The following NAPG variants were observed in gnomAD, a reference collection of about 807,000 sequenced individuals.
NAPG encodes NSF attachment protein gamma, also known as gamma-soluble NSF attachment protein.
In NAPG, 25 loss-of-function variants were observed where a neutral mutation model predicts 48.4. The observed-to-expected ratio is 0.52, with a 90% confidence interval of 0.38 to 0.72. NAPG has a LOEUF of 0.72. Among genes scored for constraint, NAPG ranks in the 30% least tolerant of loss-of-function variants. NAPG has a pLI of 0.00. For synonymous variants in NAPG, 139 were observed against 127.2 expected, an observed-to-expected ratio of 1.09 and a Z score of -0.62; for missense variants, 359 against 372.5, an observed-to-expected ratio of 0.96 and a Z score of 0.30.
rs1481902542 is a variant in NAPG, at chr18:10,551,950, G to A, written c.*1730G>A. ...ATGAACAAGCTATATGTAGACATTT[G>A]CATTTAAGGACATTGCAGTGTTTCA... On this transcript the variant is annotated 3_prime_UTR_variant, in exon 12 of 12. Transcript: ENST00000322897. The A allele has an allele frequency of 3.3e-5, 5 of 152,150 alleles. No homozygotes were observed. Among genetic ancestry groups the A allele is most frequent in the African/African-American group, 1.2e-4 (5 of 41,436 alleles). The allele number at this position is 152,150 out of a possible 1,614,324, so 9.4% of individuals were successfully genotyped here. A position where few individuals can be genotyped will look rare whatever the true frequency, so the allele number is the denominator to read the frequency against.
chr18:10,549,345 A>T (rs2032337445), intron 11 of NAPG, among the ~76,000 whole-genome samples: 2 of 152,214 alleles, frequency 1.3e-5, no homozygotes, highest in South Asian at 4.1e-4. Context: ...TACATATTTT[A>T]AAATTGAGGC....
At chr18:10,529,301 T>G (rs987554316) in intron 1 of NAPG, among the ~76,000 whole-genome samples, 1 of 152,370 alleles carries the variant, frequency 6.6e-6, no homozygotes, top group South Asian at 2.1e-4. Context: ...TTTGTAGATT[T>G]GAGTAGACAC....
chr18:10,531,951 A>G (rs1410171249), intron 2 of NAPG, among the ~76,000 whole-genome samples: 1 of 152,232 alleles, frequency 6.6e-6, no homozygotes, highest in Non-Finnish European at 1.5e-5. Flanking sequence ...AGGGAGGGGA[A>G]TAGCTTCAGT....
intron 1 of NAPG, among the ~76,000 whole-genome samples, 191 bp from the exon 2 acceptor site, chr18:10,530,579 A>G (rs2031909145): frequency 1.3e-5 from 2 of 152,000 alleles, no homozygotes; most frequent in African/African-American, 4.8e-5. Flanking sequence ...TACCTGTGAC[A>G]GTGGGAGTGA....
At chr18:10,531,642 C>G (rs1189440636) in intron 2 of NAPG, among the ~76,000 whole-genome samples, 1 of 152,122 alleles carries the variant, frequency 6.6e-6, no homozygotes. Flanking sequence ...TTGCATCATG[C>G]AAATTGTTTA....
At position 10,530,764 on chromosome 18, in the gene NAPG, T is replaced by C. The variant is rs781589319; in HGVS notation, c.57-6T>C. The C allele has an allele frequency of 7.7e-6, 12 of 1,557,878 alleles. No homozygotes were observed. The South Asian group carries it at 1.5e-4, about 19-fold the overall frequency. On this transcript the variant is annotated splice_polypyrimidine_tract_variant and splice_region_variant and intron_variant, in intron 1 of 11. Coordinates refer to ENST00000322897, the MANE Select transcript of NAPG (RefSeq NM_003826.3). The stretch of plus-strand genomic sequence containing the variant: ...ACTCCTGTTAACTGTGTTTTTTTCA[T>C]TCTAGCCTGAAAACTGGTTTTTTAA...
rs1423984889 is a variant in NAPG, at chr18:10,548,739, C to G, written c.666-228C>G. Among the ~76,000 whole-genome samples, 1 of 152,132 alleles carries G rather than the reference C, an allele frequency of 6.6e-6. No individual in the cohort carries two copies. The highest frequency in any genetic ancestry group is 1.9e-4 in the East Asian group (1 of 5,200). ...AACATGAGCAGTCTTAATCTCAACA[C>G]TGTTAACATTTGGGCTGGATAATTC... On this transcript the variant is annotated intron_variant, in intron 10 of 11. Coordinates refer to ENST00000322897, the MANE Select transcript of NAPG (RefSeq NM_003826.3). The surrounding 1 kb of genome is among the most constrained non-coding windows in gnomAD (Gnocchi z 4.4).
chr18:10,540,620 C>T (rs973894492), intron 8 of NAPG: 2 of 403,038 alleles, frequency 5.0e-6, no homozygotes, highest in African/African-American at 2.1e-5. Context: ...ATTTATCATG[C>T]ACTGTGCTTT....
At position 10,550,345 on chromosome 18, in the gene NAPG, A is replaced by C; in HGVS notation, c.*125A>C. The C allele has an allele frequency of 9.4e-7, 1 of 1,064,494 alleles. No individual in the cohort carries two copies. The highest frequency in any genetic ancestry group is 1.8e-5 in the South Asian group (1 of 55,766). 65.9% of individuals were successfully genotyped at this position (1,064,494 alleles called of 1,614,324 possible). ...GTCATGATTTTGGATCCTAATAAAG[A>C]CTAGTTTTTAGTTACCATCTTCCCA... On this transcript the variant is annotated 3_prime_UTR_variant, in exon 12 of 12. Coordinates refer to ENST00000322897, the MANE Select transcript of NAPG (RefSeq NM_003826.3).
intron 1 of NAPG, among the ~76,000 whole-genome samples, chr18:10,529,908 C>T (rs536855266): frequency 2.4e-4 from 36 of 152,290 alleles, no homozygotes; most frequent in Admixed American, 2.2e-3. Flanking sequence ...AGCAGGCCTT[C>T]ACTAATTGAA....
Position 10,542,172 on chromosome 18 carries a change from G to A in NAPG, c.506+1773G>A, listed in dbSNP as rs148594009. On this transcript the variant is annotated intron_variant, in intron 8 of 11. Transcript: ENST00000322897. The surrounding 1 kb of genome is among the most constrained non-coding windows in gnomAD (Gnocchi z 4.5). ...AGAAGTGAGAATGCTGCGTAGATGT[G>A]CTCAAAGGGCACATTTATAAATCCA... Among the ~76,000 whole-genome samples the A allele has an allele frequency of 1.3e-5, 2 of 151,806 alleles. No homozygotes were observed. Among genetic ancestry groups the A allele is most frequent in the African/African-American group, 4.8e-5 (2 of 41,350 alleles).
chr18:10,527,304 A>G (rs1407348011), intron 1 of NAPG, among the ~76,000 whole-genome samples: 13 of 152,298 alleles, frequency 8.5e-5, no homozygotes, highest in Admixed American at 1.3e-4. Flanking sequence ...AGAGATTCTA[A>G]TTTTTCGTAA....
chr18:10,550,568 T>G lies in NAPG; in HGVS notation c.*348T>G. 6.0e-6 allele frequency: 1 copy of G among 165,448 alleles called. No homozygotes were observed. Among genetic ancestry groups the G allele is most frequent in the Non-Finnish European group, 1.3e-5 (1 of 76,876 alleles). 10.2% of individuals were successfully genotyped at this position (165,448 alleles called of 1,614,324 possible). A position where few individuals can be genotyped will look rare whatever the true frequency, so the allele number is the denominator to read the frequency against. On this transcript the variant is annotated 3_prime_UTR_variant, in exon 12 of 12. Coordinates refer to ENST00000322897, the MANE Select transcript of NAPG (RefSeq NM_003826.3). ...AGCATAGGTATTCTCTCTTGGACAC[T>G]TGTAAGTTACTGTTAGTGAATTGTT... is the stretch of plus-strand genomic sequence containing the variant.
At chr18:10,526,246 G>GGGGGGGGGGA in intron 1 of NAPG, 88 bp downstream of exon 1, 2 of 490,186 alleles carry the variant, frequency 4.1e-6, no homozygotes, top group Non-Finnish European at 8.3e-6. Context: ...GGGCGGGAGG[G>GGGGGGGGGGA]AGGGCTCAGG....
intron 8 of NAPG, among the ~76,000 whole-genome samples, chr18:10,545,946 G>A (rs897354496): frequency 6.6e-6 from 1 of 152,162 alleles, no homozygotes. Flanking sequence ...AGTGCCTTGG[G>A]TGTCTGGATG....
At chr18:10,538,210 G>C (rs2032074666) in intron 5 of NAPG, among the ~76,000 whole-genome samples, 1 of 152,142 alleles carries the variant, frequency 6.6e-6, no homozygotes, top group Non-Finnish European at 1.5e-5. Flanking sequence ...TGCAAACTCA[G>C]ATGAACTCAG....
intron 8 of NAPG, among the ~76,000 whole-genome samples, chr18:10,541,407 A>G (rs2032154549): frequency 6.6e-6 from 1 of 152,198 alleles, no homozygotes; most frequent in Non-Finnish European, 1.5e-5. Context: ...GCTTCCCAGA[A>G]ATCAGTGAAT....
chr18:10,529,295 T>C (rs1400056693), intron 1 of NAPG, among the ~76,000 whole-genome samples: 2 of 152,256 alleles, frequency 1.3e-5, no homozygotes, highest in Non-Finnish European at 2.9e-5. Flanking sequence ...CTCAATTTTG[T>C]AGATTTGAGT....
rs1444541448 is a variant in NAPG, at chr18:10,542,275, C to G, written c.506+1876C>G. 2.0e-5 allele frequency among the ~76,000 whole-genome samples: 3 copies of G among 149,200 alleles called. No individual in the cohort carries two copies. Among genetic ancestry groups the G allele is most frequent in the African/African-American group, 7.4e-5 (3 of 40,548 alleles). On this transcript the variant is annotated intron_variant, in intron 8 of 11. Coordinates refer to ENST00000322897, the MANE Select transcript of NAPG (RefSeq NM_003826.3). This position sits in a 1 kb window ranked among gnomAD's most constrained non-coding sequence, Gnocchi z 4.5. The stretch of plus-strand genomic sequence containing the variant: ...AAAATGTATTTTAAAATGGTACTTT[C>G]TACTGTGCTCAACAAAAATGTTATG...
Sources: allele counts gnomAD v4.1 joint callset (sites outside exome capture counted in the v4.1 genomes callset), GRCh38; gene constraint gnomAD v4.1.1; non-coding constraint Gnocchi (gnomAD v3.1); transcripts MANE v1.5; gene names NCBI Gene and HGNC (gene_info 2026-07-23, HGNC 2026-07-21).